The following LMO7 variants were observed in gnomAD, a reference collection of about 807,000 sequenced individuals.
LMO7 encodes the protein LIM domain only protein 7.
In LMO7, 120 loss-of-function variants were observed where a neutral mutation model predicts 206.5. The observed-to-expected ratio is 0.58, with a 90% CI of 0.50 to 0.68. The LOEUF (loss-of-function observed/expected upper bound fraction) is 0.68, where lower values mean the gene tolerates loss of function less well. LMO7 is among the 30% of genes least tolerant of loss of function. LMO7 has a pLI of 0.00. For synonymous variants in LMO7, 706 were observed against 681.5 expected (o/e 1.04, Z -0.56); for missense variants, 1,959 against 1,957.9 (o/e 1.00, Z -0.01).
intron 1 of LMO7, among the ~76,000 whole-genome samples, chr13:75,711,684 C>T (rs1035007168): frequency 3.3e-5 from 5 of 152,224 alleles, no homozygotes; most frequent in African/African-American, 1.2e-4. Flanking sequence ...GCAGAAATCA[C>T]CCGTCTTCTG....
At chr13:75,676,901 A>G (rs575329617) in intron 1 of LMO7, among the ~76,000 whole-genome samples, 1 of 152,336 alleles carries the variant, frequency 6.6e-6, no homozygotes, top group African/African-American at 2.4e-5. Context: ...ACTTGGAATT[A>G]CAGCTTTACA....
At chr13:75,742,691 A>T (rs2046509809) in intron 3 of LMO7, among the ~76,000 whole-genome samples, 1 of 152,116 alleles carries the variant, frequency 6.6e-6, no homozygotes, top group Non-Finnish European at 1.5e-5. Context: ...TGAAACTGGA[A>T]CTTTTCCTTG....
intron 29 of LMO7, 60 bp from the exon 30 acceptor site, chr13:75,856,446 A>G: frequency 8.8e-6 from 7 of 795,456 alleles, no homozygotes; most frequent in East Asian, 3.2e-5. Flanking sequence ...CACCCCCAGG[A>G]GTGCCCCAAG....
At position 75,792,745 on chromosome 13, in the gene LMO7, T is replaced by C. The variant is rs546803465; in HGVS notation, c.318-2656T>C. ...GAACTCTGTTTACTCCAGCAAATCA[T>C]TGACTACTTGAATTCCTGGCATTGC... On this transcript the variant is annotated intron_variant, in intron 4 of 30. Transcript: ENST00000377534. Among the ~76,000 whole-genome samples the C allele has an allele frequency of 6.6e-5, 10 of 152,320 alleles. 1 individual carries two copies. The highest frequency in any genetic ancestry group is 3.4e-3 in the Middle Eastern group (1 of 294).
At chr13:75,684,835 G>A (rs368249552) in intron 1 of LMO7, among the ~76,000 whole-genome samples, 41 of 137,042 alleles carry the variant, frequency 3.0e-4, no homozygotes, top group Admixed American at 4.8e-4. Flanking sequence ...ATACACACAC[G>A]CACATACACA....
chr13:75,812,516 T>G (rs1040315236), intron 11 of LMO7, among the ~76,000 whole-genome samples: 21 of 151,278 alleles, frequency 1.4e-4, no homozygotes, highest in Non-Finnish European at 2.8e-4. Context: ...ATTTGCCACA[T>G]GCTGGTTCTT....
chr13:75,695,954 A>G (rs975393490), intron 1 of LMO7, among the ~76,000 whole-genome samples: 2 of 152,212 alleles, frequency 1.3e-5, no homozygotes, highest in African/African-American at 4.8e-5. Context: ...AAATAGGGGA[A>G]AACTGGTCCC....
rs139417456 is a variant in LMO7, at chr13:75,838,268, G to T, written c.3451+72G>T. 3,854 of 1,514,186 alleles carry T rather than the reference G, an allele frequency of 2.5e-3. 10 individuals carry two copies. The highest frequency in any genetic ancestry group is 3.9e-3 in the Admixed American group (232 of 58,762). The allele number at this position is 1,514,186 out of a possible 1,614,324, so 93.8% of individuals were successfully genotyped here. A position where few individuals can be genotyped will look rare whatever the true frequency, so the allele number is the denominator to read the frequency against. On this transcript the variant is annotated intron_variant, in intron 20 of 30. Coordinates refer to ENST00000377534, the MANE Select transcript of LMO7 (RefSeq NM_001306080.2). The stretch of plus-strand genomic sequence containing the variant: ...CCCTCTCCACTCTTCCTCATGGTCT[G>T]TGGTGCTGGGCACTGAGCCTCTTCA...
intron 1 of LMO7, among the ~76,000 whole-genome samples, chr13:75,701,127 A>G (rs1007317037): frequency 9.4e-5 from 14 of 149,066 alleles, no homozygotes; most frequent in Admixed American, 2.7e-4. Context: ...CACTAGGAAT[A>G]GATTGTAGTG....
upstream of LMO7, among the ~76,000 whole-genome samples, chr13:75,633,314 T>C (rs2035241449): frequency 6.6e-6 from 1 of 152,180 alleles, no homozygotes; most frequent in Non-Finnish European, 1.5e-5. Flanking sequence ...GCAGGAACAG[T>C]TGTATTCCTG....
At chr13:75,696,552 T>C (rs866312225) in intron 1 of LMO7, among the ~76,000 whole-genome samples, 3 of 151,982 alleles carry the variant, frequency 2.0e-5, no homozygotes, top group African/African-American at 4.8e-5. Context: ...CCACTCAAAG[T>C]TTTTCAGAGA....
chr13:75,693,539 C>T (rs926862036), intron 1 of LMO7, among the ~76,000 whole-genome samples: 1 of 152,214 alleles, frequency 6.6e-6, no homozygotes, highest in African/African-American at 2.4e-5. Flanking sequence ...TCCTTTTCCT[C>T]CGGCTTTTCT....
At chr13:75,654,287 G>A (rs2037839564) in intron 1 of LMO7, among the ~76,000 whole-genome samples, 1 of 152,190 alleles carries the variant, frequency 6.6e-6, no homozygotes, top group Non-Finnish European at 1.5e-5. Context: ...TGTTGCTGAA[G>A]CCAGAAAAAC....
At chr13:75,855,770 A>G (rs1367556481) in intron 29 of LMO7, among the ~76,000 whole-genome samples, 1 of 152,198 alleles carries the variant, frequency 6.6e-6, no homozygotes, top group African/African-American at 2.4e-5. Flanking sequence ...AAGGAAAACC[A>G]TTACCATTGT....
Position 75,805,627 on chromosome 13 carries a change from A to T in LMO7, c.1063A>T (p.Ser355Cys). Residue 355 changes from serine to cysteine, a missense_variant, in exon 9 of 31, where the codon AGT becomes TGT. Ser to Cys is a moderately radical substitution (Grantham distance 112). Transcript: ENST00000377534. ...GGATGATCTTTATGTGCGCAAGCTC[A>T]GTCCAGTCATGCCAAACCCAGGGAA... ...VKDDLYVRKL[S>C]PVMPNPGNAF... is the part of the protein sequence containing the mutation. 6.2e-7 allele frequency: 1 copy of T among 1,614,106 alleles called. No homozygotes were observed. Among genetic ancestry groups the T allele is most frequent in the South Asian group, 1.1e-5 (1 of 91,084 alleles).
intron 2 of LMO7, among the ~76,000 whole-genome samples, chr13:75,624,619 C>T (rs2033784994): frequency 6.6e-6 from 1 of 152,184 alleles, no homozygotes; most frequent in African/African-American, 2.4e-5. Context: ...TACAGTGCCA[C>T]GTGGCTGGGG....
intron 3 of LMO7, among the ~76,000 whole-genome samples, chr13:75,760,133 G>T (rs2139667222): frequency 6.6e-6 from 1 of 152,094 alleles, no homozygotes; most frequent in South Asian, 2.1e-4. Context: ...CTGAAATGTG[G>T]CTGGCTTTAA....
chr13:75,789,331 A>G (rs926604792), intron 4 of LMO7, among the ~76,000 whole-genome samples: 1 of 152,058 alleles, frequency 6.6e-6, no homozygotes, highest in African/African-American at 2.4e-5. Context: ...TTCAACTCCT[A>G]GGAGGTTATG....
chr13:75,840,432 G>T lies in LMO7; in HGVS notation c.3519G>T (p.Trp1173Cys). 2.5e-6 allele frequency: 4 copies of T among 1,614,074 alleles called. No individual in the cohort carries two copies. Among genetic ancestry groups the T allele is most frequent in the Middle Eastern group, 3.3e-4 (2 of 6,062 alleles). The change falls in exon 22 of 31, where the codon TGG becomes TGT. Residue 1173 changes from tryptophan (W) to cysteine (C), a missense_variant. Physicochemically the swap from Trp to Cys is radical, Grantham distance 215. Transcript: ENST00000377534. ...TCAGTGCCCCGAGTCGCTGGGTGTG[G>T]GATCAAGAGGAGGAGCGGAAGCGGC... is the stretch of plus-strand genomic sequence containing the variant. ...PTISAPSRWV[W>C]DQEEERKRQE...
Sources: allele counts gnomAD v4.1 joint callset (sites outside exome capture counted in the v4.1 genomes callset), GRCh38; gene constraint gnomAD v4.1.1; transcripts MANE v1.5; gene names NCBI Gene and HGNC (gene_info 2026-07-23, HGNC 2026-07-21).